PTPN3: variants seen among roughly 807,000 people sequenced by gnomAD.
PTPN3 encodes the protein tyrosine-protein phosphatase non-receptor type 3.
In PTPN3, 96 loss-of-function variants were observed where a neutral mutation model predicts 132.7. The observed-to-expected ratio is 0.72, with a 90% CI of 0.61 to 0.86. PTPN3 has a LOEUF of 0.86. PTPN3 is among the 40% of genes least tolerant of loss of function. The probability of loss-of-function intolerance (pLI) is 0.00; values close to 1 mark genes in which losing one functional copy is unlikely to be tolerated. For synonymous variants in PTPN3, 398 were observed against 429.0 expected (o/e 0.93, Z 0.89); for missense variants, 1,125 against 1,159.6 (o/e 0.97, Z 0.43).
intron 1 of PTPN3, among the ~76,000 whole-genome samples, chr9:109,482,330 T>C (rs541624531): frequency 9.2e-5 from 14 of 152,224 alleles, no homozygotes; most frequent in Non-Finnish European, 2.1e-4. Context: ...GCCAGTTAAG[T>C]AAGCCACAAA....
intron 5 of PTPN3, among the ~76,000 whole-genome samples, chr9:109,453,071 G>A (rs930847814): frequency 1.3e-5 from 2 of 152,124 alleles, no homozygotes; most frequent in African/African-American, 2.4e-5. Flanking sequence ...TGTGGTCACC[G>A]GATGTGTCAT....
At chr9:109,471,796 G>A (rs879362449) in intron 1 of PTPN3, among the ~76,000 whole-genome samples, 1 of 151,860 alleles carries the variant, frequency 6.6e-6, no homozygotes, top group African/African-American at 2.4e-5. Context: ...GTATACCAAC[G>A]CACCCAGCTT....
At chr9:109,462,461 C>T (rs1845891249) in intron 2 of PTPN3, among the ~76,000 whole-genome samples, 1 of 152,152 alleles carries the variant, frequency 6.6e-6, no homozygotes, top group Admixed American at 6.5e-5. Context: ...TTCTCTCATC[C>T]CATCTTCTCT....
At chr9:109,425,302 T>A (rs1843166506) in intron 12 of PTPN3, among the ~76,000 whole-genome samples, 1 of 152,210 alleles carries the variant, frequency 6.6e-6, no homozygotes, top group Non-Finnish European at 1.5e-5. Flanking sequence ...ACTGGAACAG[T>A]CTGATGCAGT....
intron 1 of PTPN3, among the ~76,000 whole-genome samples, chr9:109,467,343 G>T (rs994230336): frequency 4.6e-5 from 7 of 152,034 alleles, no homozygotes; most frequent in African/African-American, 1.7e-4. Flanking sequence ...AATCACCTGA[G>T]GAGCTTTTAA....
At chr9:109,481,723 G>A (rs756166478) in intron 1 of PTPN3, among the ~76,000 whole-genome samples, 16 of 152,192 alleles carry the variant, frequency 1.1e-4, no homozygotes, top group Non-Finnish European at 1.9e-4. Flanking sequence ...CAGTGCACAT[G>A]AGGCACTAAG....
chr9:109,442,985 G>A (rs1166694069), intron 7 of PTPN3, among the ~76,000 whole-genome samples: 1 of 151,986 alleles, frequency 6.6e-6, no homozygotes, highest in Non-Finnish European at 1.5e-5. Context: ...CATATTGAGA[G>A]CTGTCTTAAA....
chr9:109,416,334 T>C (rs1393631574), intron 14 of PTPN3, among the ~76,000 whole-genome samples: 1 of 152,156 alleles, frequency 6.6e-6, no homozygotes, highest in African/African-American at 2.4e-5. Flanking sequence ...GGACTCTCCA[T>C]TGCTCGCAGG....
the PTPN3 span, among the ~76,000 whole-genome samples, chr9:109,512,019 C>G: frequency 1.3e-5 from 2 of 152,152 alleles, no homozygotes; most frequent in South Asian, 4.1e-4. Context: ...ATGCCCACCT[C>G]TGGAGATTTC....
At chr9:109,497,742 C>T (rs960467671) in intron 1 of PTPN3, among the ~76,000 whole-genome samples, 41 of 152,232 alleles carry the variant, frequency 2.7e-4, no homozygotes, top group Non-Finnish European at 5.1e-4. Context: ...CAGGAAATGC[C>T]ATCTTTGAAA....
Position 109,379,523 on chromosome 9 carries a change from T to C in PTPN3, c.*33A>G. The C allele has an allele frequency of 1.3e-6, 2 of 1,580,150 alleles. No homozygotes were observed. Among genetic ancestry groups the C allele is most frequent in the African/African-American group, 1.3e-5 (1 of 74,130 alleles). On this transcript the variant is annotated 3_prime_UTR_variant, in exon 26 of 26. Transcript: ENST00000374541. The stretch of plus-strand genomic sequence containing the variant: ...CCTCCTCTTTCAAGGAGGATGCCCT[T>C]GGGAAAGAGGAATGAACTTTTTCAC...
At chr9:109,505,731 C>A in the PTPN3 span, among the ~76,000 whole-genome samples, 2 of 151,884 alleles carry the variant, frequency 1.3e-5, no homozygotes, top group Admixed American at 1.3e-4. Flanking sequence ...ATGGATGGAA[C>A]TGAGGATCAG....
At chr9:109,449,996 A>C (rs1404893408) in intron 5 of PTPN3, 1 of 983,126 alleles carries the variant, frequency 1.0e-6, no homozygotes, top group Non-Finnish European at 1.2e-6. Context: ...CACTATCTCC[A>C]TTTTTACAGA....
intron 12 of PTPN3, among the ~76,000 whole-genome samples, chr9:109,423,071 T>C (rs1842994283): frequency 6.6e-6 from 1 of 152,196 alleles, no homozygotes; most frequent in African/African-American, 2.4e-5. Context: ...TTTCTTGTCC[T>C]CACTACTCAA....
intron 19 of PTPN3, among the ~76,000 whole-genome samples, chr9:109,394,844 AAG>A (rs1191491025): frequency 2.0e-5 from 3 of 152,212 alleles, no homozygotes. Context: ...AATTATAACA[AAG>A]AGGAAGAAAC....
chr9:109,382,468 T>C, intron 23 of PTPN3, 21 bp from the exon 24 acceptor site: 1 of 1,613,282 alleles, frequency 6.2e-7, no homozygotes, highest in South Asian at 1.1e-5. Flanking sequence ...TGCAGTGGCC[T>C]TGGTGAGCCC....
At chr9:109,413,552 G>T (rs894736672) in intron 14 of PTPN3, among the ~76,000 whole-genome samples, 9 of 152,314 alleles carry the variant, frequency 5.9e-5, no homozygotes, top group African/African-American at 2.2e-4. Flanking sequence ...CAGGGGAGTT[G>T]CCCCATGAAT....
In PTPN3 at chr9:109,391,135, T is replaced by C; in HGVS notation, c.2106+3A>G. ...TTAAGCATCATCCAGATTCCTAACT[T>C]ACGTTCACGTAACTTGCATTAATAT... On this transcript the variant is annotated splice_donor_region_variant and intron_variant, in intron 21 of 25. Transcript: ENST00000374541. 6.2e-7 allele frequency: 1 copy of C among 1,611,986 alleles called. No individual in the cohort carries two copies. Among genetic ancestry groups the C allele is most frequent in the Non-Finnish European group, 8.5e-7 (1 of 1,178,248 alleles).
rs1182502964 is a variant in PTPN3, at chr9:109,406,508, G to A, written c.1746C>T (p.Ser582=). Residue 582 remains serine (S), a synonymous_variant, in exon 18 of 26, where the codon AGC becomes AGT. Transcript: ENST00000374541. The stretch of plus-strand genomic sequence containing the variant: ...CCAGCTCCCGTGAGTGGGACTCCCG[G>A]CTGGCTTTGATGAACATCACCACTT... ...HDQVVMFIKA[S]RESHSRELAL... is the part of the protein sequence containing the mutation. The A allele has an allele frequency of 6.2e-7, 1 of 1,614,164 alleles. No individual in the cohort carries two copies. Among genetic ancestry groups the A allele is most frequent in the Admixed American group, 1.7e-5 (1 of 60,028 alleles).
Sources: gnomAD v4.1 joint callset for allele counts (sites outside exome capture counted in the v4.1 genomes callset) on GRCh38, gnomAD v4.1.1 for gene constraint, MANE v1.5 for transcripts, NCBI Gene and HGNC (gene_info 2026-07-23, HGNC 2026-07-21) for gene names.